ARSG: variants seen among roughly 807,000 people sequenced by gnomAD.
ARSG encodes the protein ASG.
ARSG carries 37 observed loss-of-function variants against 50.5 expected under a neutral mutation model. The ratio of observed to expected loss-of-function variants is 0.73; its 90% CI spans 0.56 to 0.96. ARSG has a LOEUF of 0.96. Among genes scored for constraint, ARSG ranks in the 50% least tolerant of loss-of-function variants. The pLI is 0.00. For missense variants in ARSG, 629 were observed against 675.3 expected (o/e 0.93, Z 0.76); for synonymous variants, 225 against 254.6 (o/e 0.88, Z 1.11).
intron 1 of ARSG, chr17:68,274,341 C>G (rs2075441507): frequency 3.8e-6 from 1 of 265,312 alleles, no homozygotes; most frequent in African/African-American, 2.2e-5. Flanking sequence ...TGGTGTGCAC[C>G]TGTAGTCCCA....
downstream of ARSG, chr17:68,426,252 G>GGGGCCCCCCCCCC: frequency 1.2e-6 from 1 of 828,186 alleles, no homozygotes; most frequent in Admixed American, 2.3e-5. Flanking sequence ...TGGGGAGCGG[G>GGGGCCCCCCCCCC]GGCTCAAATA....
At chr17:68,321,526 A>G (rs1555770566) in intron 2 of ARSG, among the ~76,000 whole-genome samples, 1 of 152,238 alleles carries the variant, frequency 6.6e-6, no homozygotes, top group East Asian at 1.9e-4. Flanking sequence ...TAAATTATGA[A>G]TGGAACAAGG....
intron 1 of ARSG, among the ~76,000 whole-genome samples, chr17:68,292,354 C>A (rs2076040365): frequency 6.6e-6 from 1 of 152,166 alleles, no homozygotes; most frequent in African/African-American, 2.4e-5. Flanking sequence ...TAGTCCCCGA[C>A]CCCAAGGTCA....
chr17:68,441,728 G>GT, the ARSG span, among the ~76,000 whole-genome samples: 10 of 152,202 alleles, frequency 6.6e-5, no homozygotes, highest in Non-Finnish European at 1.5e-4. Flanking sequence ...ACAACCTCAG[G>GT]TAACGCTCTC....
intron 4 of ARSG, among the ~76,000 whole-genome samples, chr17:68,351,020 C>T (rs746134250): frequency 1.3e-5 from 2 of 152,104 alleles, no homozygotes; most frequent in Non-Finnish European, 2.9e-5. Flanking sequence ...GAGATTCCTG[C>T]CCCATCCCCA....
intron 9 of ARSG, among the ~76,000 whole-genome samples, chr17:68,387,163 C>T (rs1382077907): frequency 1.3e-5 from 2 of 151,992 alleles, no homozygotes; most frequent in East Asian, 3.8e-4. Context: ...GGGCATCACT[C>T]TGTTGCCCAG....
At chr17:68,432,570 C>T in the ARSG span, among the ~76,000 whole-genome samples, 1 of 152,100 alleles carries the variant, frequency 6.6e-6, no homozygotes, top group African/African-American at 2.4e-5. Flanking sequence ...TGCCCGGCCT[C>T]TGTCATGTAT....
the ARSG span, chr17:68,441,144 T>G: frequency 6.6e-6 from 1 of 152,182 alleles, no homozygotes; most frequent in Non-Finnish European, 1.5e-5. Flanking sequence ...AGGACTTTCA[T>G]GGAGATTTCC....
At chr17:68,398,281 A>G (rs2081334531) in intron 10 of ARSG, among the ~76,000 whole-genome samples, 2 of 152,346 alleles carry the variant, frequency 1.3e-5, no homozygotes. Context: ...GTCTATGCAC[A>G]TATATGTATA....
chr17:68,404,318 CCCA>C (rs939973589), intron 11 of ARSG, among the ~76,000 whole-genome samples: 1 of 152,194 alleles, frequency 6.6e-6, no homozygotes, highest in Non-Finnish European at 1.5e-5. Flanking sequence ...AGTTTACAGT[CCCA>C]CCAACAGTGT....
downstream of ARSG, chr17:68,426,254 G>GCCCCC: frequency 2.4e-6 from 2 of 816,910 alleles, no homozygotes; most frequent in Non-Finnish European, 3.9e-6. Context: ...GGGAGCGGGG[G>GCCCCC]CTCAAATAAA....
the ARSG span, chr17:68,434,499 C>T: frequency 5.8e-4 from 923 of 1,579,756 alleles, 7 homozygotes; most frequent in African/African-American, 7.7e-3. Flanking sequence ...CAGCTGCCAG[C>T]GGTCCCTGCG....
the ARSG span, among the ~76,000 whole-genome samples, chr17:68,438,265 C>T: frequency 2.0e-5 from 3 of 152,194 alleles, no homozygotes; most frequent in Non-Finnish European, 4.4e-5. Flanking sequence ...ACCCCTTTGG[C>T]GATACAAGGT....
chr17:68,309,348 A>G (rs1664940046), intron 2 of ARSG, among the ~76,000 whole-genome samples: 1 of 152,220 alleles, frequency 6.6e-6, no homozygotes, highest in African/African-American at 2.4e-5. Context: ...CAGCCTAGAA[A>G]GGGGATCCTA....
downstream of ARSG, chr17:68,427,044 C>T (rs866298744): frequency 1.2e-5 from 13 of 1,064,548 alleles, no homozygotes; most frequent in South Asian, 9.6e-5. Flanking sequence ...CCCCAGGTAA[C>T]AGTGAAGGGG....
downstream of ARSG, among the ~76,000 whole-genome samples, chr17:68,425,342 T>C (rs1568619369): frequency 6.6e-6 from 1 of 151,592 alleles, no homozygotes; most frequent in Non-Finnish European, 1.5e-5. Context: ...TAGCTGGGAC[T>C]ACAGGCACGT....
chr17:68,323,142 T>A (rs2077362613), intron 2 of ARSG, among the ~76,000 whole-genome samples: 1 of 152,058 alleles, frequency 6.6e-6, no homozygotes, highest in South Asian at 2.1e-4. Context: ...AGATTTCGAA[T>A]TAACATCTAG....
rs368561579 is a variant in ARSG at position 68,392,325 on chromosome 17, T to C, written c.1092-2748T>C. ...ATGAGCACAACAGGCTGGAGGAAGATGTGCCATAGGTAGAGTAACCTTGCA... is the reference window on the plus strand; with the variant it reads ...ATGAGCACAACAGGCTGGAGGAAGACGTGCCATAGGTAGAGTAACCTTGCA... On this transcript the variant is annotated intron_variant, in intron 9 of 11. Transcript: ENST00000621439. Among the ~76,000 whole-genome samples the C allele has an allele frequency of 6.0e-4, 92 of 152,308 alleles. 1 individual carries two copies. In the East Asian group the frequency reaches 0.012, roughly 19 times the overall value.
At chr17:68,353,442 G>A (rs1402214441) in intron 5 of ARSG, among the ~76,000 whole-genome samples, 1 of 152,050 alleles carries the variant, frequency 6.6e-6, no homozygotes, top group African/African-American at 2.4e-5. Flanking sequence ...TTTTTAACAA[G>A]ACTTATGCAT....
Sources: gnomAD v4.1 joint callset for allele counts (sites outside exome capture counted in the v4.1 genomes callset) on GRCh38, gnomAD v4.1.1 for gene constraint, MANE v1.5 for transcripts, NCBI Gene and HGNC (gene_info 2026-07-23, HGNC 2026-07-21) for gene names.